The following STXBP4 variants were observed in gnomAD, a reference collection of about 807,000 sequenced individuals.
The protein encoded by STXBP4 is syntaxin binding protein 4, also known as syntaxin-binding protein 4.
A neutral mutation model predicts 76.1 loss-of-function variants in STXBP4; 55 were observed. The observed-to-expected ratio is 0.72, with a 90% CI of 0.58 to 0.91. The LOEUF (loss-of-function observed/expected upper bound fraction) is 0.91, where lower values mean the gene tolerates loss of function less well. STXBP4 is among the 40% of genes least tolerant of loss of function. The pLI is 0.00. For missense variants in STXBP4, 618 were observed against 636.9 expected, an observed-to-expected ratio of 0.97 and a Z score of 0.32; for synonymous variants, 201 against 220.2, an observed-to-expected ratio of 0.91 and a Z score of 0.77.
intron 8 of STXBP4, among the ~76,000 whole-genome samples, chr17:55,014,614 A>C (rs1303877280): frequency 6.6e-6 from 1 of 151,862 alleles, no homozygotes; most frequent in Non-Finnish European, 1.5e-5. Context: ...GGCTCTGTGA[A>C]GGTGATGGCA....
At chr17:55,203,748 C>T in the STXBP4 span, among the ~76,000 whole-genome samples, 1 of 152,116 alleles carries the variant, frequency 6.6e-6, no homozygotes, top group Non-Finnish European at 1.5e-5. Flanking sequence ...CTATATGTTT[C>T]AAGATTTTAG....
At chr17:55,080,758 A>T (rs1220782776) in intron 15 of STXBP4, among the ~76,000 whole-genome samples, 3 of 152,112 alleles carry the variant, frequency 2.0e-5, no homozygotes, top group Non-Finnish European at 4.4e-5. Flanking sequence ...AAAGAGAAGC[A>T]CTCACAAAAT....
chr17:55,086,185 C>A (rs1198508342), intron 16 of STXBP4, among the ~76,000 whole-genome samples: 5 of 151,826 alleles, frequency 3.3e-5, no homozygotes, highest in Non-Finnish European at 7.4e-5. Flanking sequence ...TTTTTTTCCC[C>A]AATGATACTC....
chr17:55,073,874 C>A (rs2079150192), intron 13 of STXBP4, among the ~76,000 whole-genome samples: 1 of 152,154 alleles, frequency 6.6e-6, no homozygotes, highest in Admixed American at 6.5e-5. Flanking sequence ...GGTGATCCAC[C>A]AGTCTCGGCC....
the STXBP4 span, among the ~76,000 whole-genome samples, chr17:55,188,447 A>C: frequency 6.6e-6 from 1 of 152,220 alleles, no homozygotes; most frequent in Non-Finnish European, 1.5e-5. Flanking sequence ...CCCATGTTCC[A>C]GCTATCTGAA....
intron 11 of STXBP4, 104 bp downstream of exon 11, chr17:55,043,429 T>C: frequency 1.3e-6 from 1 of 764,460 alleles, no homozygotes; most frequent in East Asian, 3.0e-5. Context: ...TTATTTTTAA[T>C]GGAAAAATAT....
chr17:55,094,128 G>A (rs2079452201), intron 16 of STXBP4, among the ~76,000 whole-genome samples: 1 of 145,592 alleles, frequency 6.9e-6, no homozygotes, highest in Non-Finnish European at 1.5e-5. Flanking sequence ...TACAAATGCT[G>A]TGAGATAGGA....
intron 16 of STXBP4, among the ~76,000 whole-genome samples, chr17:55,131,178 T>C (rs1259443169): frequency 6.6e-6 from 1 of 152,226 alleles, no homozygotes; most frequent in Non-Finnish European, 1.5e-5. Context: ...TCACCAATGC[T>C]TATCTTTCAT....
At chr17:55,080,484 A>G (rs2079242480) in intron 15 of STXBP4, among the ~76,000 whole-genome samples, 1 of 152,064 alleles carries the variant, frequency 6.6e-6, no homozygotes, top group Non-Finnish European at 1.5e-5. Context: ...TTTTTTGAAG[A>G]AAACATTTAA....
intron 1 of STXBP4, among the ~76,000 whole-genome samples, chr17:54,981,700 T>C (rs1230188807): frequency 6.6e-6 from 1 of 151,788 alleles, no homozygotes; most frequent in Non-Finnish European, 1.5e-5. Flanking sequence ...AAAAGATTCA[T>C]AAGTTAGCCA....
chr17:55,199,791 A>G, the STXBP4 span, among the ~76,000 whole-genome samples: 2 of 152,194 alleles, frequency 1.3e-5, no homozygotes, highest in Non-Finnish European at 2.9e-5. Flanking sequence ...TTTCACATAG[A>G]ATAAATTACC....
chr17:55,098,029 C>G (rs763312107), intron 16 of STXBP4, among the ~76,000 whole-genome samples: 3 of 152,138 alleles, frequency 2.0e-5, no homozygotes, highest in Non-Finnish European at 4.4e-5. Flanking sequence ...TTATAATCTT[C>G]TTTGTTCATT....
the STXBP4 span, among the ~76,000 whole-genome samples, chr17:55,186,404 C>T: frequency 3.3e-5 from 5 of 152,152 alleles, no homozygotes; most frequent in Admixed American, 6.5e-5. Flanking sequence ...TATATTAATA[C>T]TTCTAAAACT....
chr17:55,041,301 G>C (rs1292277375), intron 10 of STXBP4, among the ~76,000 whole-genome samples: 1 of 149,882 alleles, frequency 6.7e-6, no homozygotes, highest in African/African-American at 2.5e-5. Context: ...TGCAATCTCG[G>C]CTCACTGCAG....
At chr17:54,989,367 T>C (rs940043852) in intron 3 of STXBP4, among the ~76,000 whole-genome samples, 15 of 152,236 alleles carry the variant, frequency 9.9e-5, no homozygotes, top group African/African-American at 3.6e-4. Flanking sequence ...AGTGCTGGGA[T>C]TATAGGCATG....
rs142465692 is a variant in STXBP4, at chr17:54,995,528, T to C, written c.181-3817T>C. Among the ~76,000 whole-genome samples, 841 of 152,342 alleles carry C rather than the reference T, an allele frequency of 5.5e-3. 2 individuals are homozygous for C. Among genetic ancestry groups the C allele is most frequent in the Admixed American group, 8.4e-3 (128 of 15,298 alleles). On this transcript the variant is annotated intron_variant, in intron 4 of 17. Coordinates refer to ENST00000376352, the MANE Select transcript of STXBP4 (RefSeq NM_178509.6). ...CATATATCGGTATGTAATATACTTA[T>C]GAGTGTGTGTATGTACGTATTTTTT... is the stretch of plus-strand genomic sequence containing the variant.
rs1213390044 is a variant in STXBP4, at chr17:54,985,699, A to C, written c.-79+8A>C. On this transcript the variant is annotated splice_region_variant and intron_variant, in intron 2 of 17. Coordinates refer to ENST00000376352, the MANE Select transcript of STXBP4 (RefSeq NM_178509.6). ...AGTGTCTCAAGATAGTTGGTAAGAT[A>C]ATAAGAATTTAGTTTTTTTCAAATG... 5 of 152,464 alleles carry C rather than the reference A, an allele frequency of 3.3e-5. No homozygotes were observed. The highest frequency in any genetic ancestry group is 5.9e-5 in the Non-Finnish European group (4 of 68,234). 9.4% of individuals were successfully genotyped at this position (152,464 alleles called of 1,614,324 possible).
chr17:55,046,577 A>G (rs895525996), intron 11 of STXBP4, among the ~76,000 whole-genome samples: 1 of 151,934 alleles, frequency 6.6e-6, no homozygotes, highest in Admixed American at 6.6e-5. Flanking sequence ...ATGTGTATGT[A>G]TAATATTAAT....
intron 7 of STXBP4, among the ~76,000 whole-genome samples, chr17:55,002,919 A>G (rs1048725502): frequency 6.6e-6 from 1 of 152,222 alleles, no homozygotes; most frequent in Non-Finnish European, 1.5e-5. Context: ...CTTAGAGTGT[A>G]GCTCAGATAA....
Sources: gnomAD v4.1 joint callset for allele counts (sites outside exome capture counted in the v4.1 genomes callset) on GRCh38, gnomAD v4.1.1 for gene constraint, MANE v1.5 for transcripts, NCBI Gene and HGNC (gene_info 2026-07-23, HGNC 2026-07-21) for gene names.